The following ELL2 variants were observed in gnomAD, a reference collection of about 807,000 sequenced individuals.
The protein encoded by ELL2 is elongation factor for RNA polymerase II 2.
ELL2 carries 21 observed loss-of-function variants against 72.8 expected under a neutral mutation model. The observed-to-expected ratio is 0.29, with a 90% confidence interval of 0.20 to 0.42. ELL2 has a LOEUF of 0.42. Ranked by LOEUF, ELL2 falls within the 10% of genes least tolerant of loss-of-function variation. ELL2 has a pLI of 1.00. For synonymous variants in ELL2, 266 were observed against 283.2 expected, an observed-to-expected ratio of 0.94 and a Z score of 0.61; for missense variants, 568 against 772.8, an observed-to-expected ratio of 0.73 and a Z score of 3.14.
At chr5:95,919,619 T>C in intron 2 of ELL2, 74 bp from the exon 3 acceptor site, 1 of 1,467,182 alleles carries the variant, frequency 6.8e-7, no homozygotes, top group South Asian at 1.5e-5. Context: ...ACTGACTTAC[T>C]GGTTTTTCTA....
At position 95,906,712 on chromosome 5, in the gene ELL2, G is replaced by T. The variant is rs747862098; in HGVS notation, c.552C>A (p.Thr184=). 17 of 1,613,672 alleles carry T rather than the reference G, an allele frequency of 1.1e-5. No individual in the cohort carries two copies. Among genetic ancestry groups the T allele is most frequent in the Non-Finnish European group, 1.4e-5 (16 of 1,179,842 alleles). ...SDTVPERKRS[T]PMNPANTIRK... is the part of the protein sequence containing the mutation. ...GAATTGTATTTGCAGGGTTCATGGGGGTTGACCTTTTCCTCTCAGGAACTG... is the reference window on the plus strand; with the variant it reads ...GAATTGTATTTGCAGGGTTCATGGGTGTTGACCTTTTCCTCTCAGGAACTG... Residue 184 remains threonine, a synonymous_variant, in exon 5 of 12, where the codon ACC becomes ACA. Transcript: ENST00000237853.
intron 1 of ELL2, 62 bp from the exon 2 acceptor site, chr5:95,943,111 T>C (rs1029873134): frequency 9.9e-6 from 14 of 1,413,406 alleles, no homozygotes; most frequent in Non-Finnish European, 1.4e-5. Context: ...TAGAACTAAA[T>C]GTTTAAACTT....
At chr5:95,895,543 T>C in intron 9 of ELL2, 85 bp downstream of exon 9, 4 of 1,328,048 alleles carry the variant, frequency 3.0e-6, no homozygotes, top group Non-Finnish European at 2.2e-6. Flanking sequence ...ACTTCTTACT[T>C]TTCTGATTTG....
chr5:95,954,662 G>A (rs1416104432), intron 1 of ELL2, among the ~76,000 whole-genome samples: 4 of 133,828 alleles, frequency 3.0e-5, no homozygotes, highest in South Asian at 2.3e-4. Context: ...GGATGGTCTC[G>A]ATTTCCTGAC....
Position 95,885,396 on chromosome 5 carries a change from C to T in ELL2, c.*3475G>A, listed in dbSNP as rs530081747. Reference sequence around the variant, plus strand: ...TTCTGAAAACTTTCCTCTCAAAGTGCTGGCTATAATTTTTTCTCCATCCAG... The same window carrying T: ...TTCTGAAAACTTTCCTCTCAAAGTGTTGGCTATAATTTTTTCTCCATCCAG... On this transcript the variant is annotated 3_prime_UTR_variant, in exon 12 of 12. Transcript: ENST00000237853. 3.0e-4 allele frequency: 45 copies of T among 152,338 alleles called. No individual in the cohort carries two copies. Among genetic ancestry groups the T allele is most frequent in the Non-Finnish European group, 5.9e-4 (40 of 68,038 alleles). The allele number at this position is 152,338 out of a possible 1,614,324, so 9.4% of individuals were successfully genotyped here. A position where few individuals can be genotyped will look rare whatever the true frequency, so the allele number is the denominator to read the frequency against.
In ELL2 at chr5:95,936,256, G is replaced by A. The variant is rs372790771; in HGVS notation, c.195+6746C>T. 1.8e-4 allele frequency among the ~76,000 whole-genome samples: 28 copies of A among 152,184 alleles called. 1 individual carries two copies. Among genetic ancestry groups the A allele is most frequent in the African/African-American group, 6.3e-4 (26 of 41,420 alleles). ...GATGTAGTTTTCTCATATTAGAGAG[G>A]TCAGAGGTTACCCAGAAATTGATGG... is the stretch of plus-strand genomic sequence containing the variant. On this transcript the variant is annotated intron_variant, in intron 2 of 11. Transcript: ENST00000237853.
Position 95,927,776 on chromosome 5 carries a change from T to TATGTGTGTATATAGACATATACACACAC in ELL2, c.196-8232_196-8231insGTGTGTGTATATGTCTATATACACACAT, listed in dbSNP as rs1750437892. ...GTGTATATAGACATACACACACACA[T>TATGTGTGTATATAGACATATACACACAC]ATGTGTGTATATAGACATACACACA... On this transcript the variant is annotated intron_variant, in intron 2 of 11. Transcript: ENST00000237853. Among the ~76,000 whole-genome samples the TATGTGTGTATATAGACATATACACACAC allele has an allele frequency of 3.3e-5, 2 of 60,204 alleles. 1 individual carries two copies. Among genetic ancestry groups the TATGTGTGTATATAGACATATACACACAC allele is most frequent in the Non-Finnish European group, 6.0e-5 (2 of 33,572 alleles). The allele number at this position is 60,204 out of a possible 152,430, so 39.5% of individuals were successfully genotyped here.
chr5:95,906,723 T>C lies in ELL2; in HGVS notation c.541A>G (p.Lys181Glu). 1 of 1,614,030 alleles carries C rather than the reference T, an allele frequency of 6.2e-7. No individual in the cohort carries two copies. The change falls in exon 5 of 12, where the codon AAA becomes GAA. Residue 181 changes from lysine to glutamate, a missense_variant. Lys to Glu is a moderately conservative substitution (Grantham distance 56). Coordinates refer to ENST00000237853, the MANE Select transcript of ELL2 (RefSeq NM_012081.6). ...GCAGGGTTCATGGGGGTTGACCTTTTCCTCTCAGGAACTGTATCTGAAACA... is the reference window on the plus strand; with the variant it reads ...GCAGGGTTCATGGGGGTTGACCTTTCCCTCTCAGGAACTGTATCTGAAACA... ...QAVSDTVPER[K>E]RSTPMNPANT... is the part of the protein sequence containing the mutation.
At chr5:95,905,411 A>G (rs1441710442) in intron 5 of ELL2, among the ~76,000 whole-genome samples, 1 of 152,096 alleles carries the variant, frequency 6.6e-6, no homozygotes, top group Admixed American at 6.6e-5. Flanking sequence ...CTGGAGATGC[A>G]GTTACCAAAT....
rs540311678 is a variant in ELL2, at chr5:95,903,519, G to C, written c.742-2439C>G. ...GCTGGGATTACAGGGGTGAGCCACG[G>C]CGCCTGGCCTAGGACCTTTGTTTTT... On this transcript the variant is annotated intron_variant, in intron 5 of 11. Coordinates refer to ENST00000237853, the MANE Select transcript of ELL2 (RefSeq NM_012081.6). 6.4e-4 allele frequency among the ~76,000 whole-genome samples: 98 copies of C among 152,168 alleles called. 1 individual carries two copies. Among genetic ancestry groups the C allele is most frequent in the African/African-American group, 1.8e-3 (73 of 41,516 alleles).
intron 2 of ELL2, among the ~76,000 whole-genome samples, chr5:95,938,269 T>TG (rs1327198013): frequency 1.3e-5 from 2 of 152,226 alleles, no homozygotes; most frequent in Non-Finnish European, 2.9e-5. Context: ...AAGGTCATTG[T>TG]GCCTTTTTAG....
chr5:95,931,872 G>T (rs887891810), intron 2 of ELL2, among the ~76,000 whole-genome samples: 2 of 131,348 alleles, frequency 1.5e-5, no homozygotes, highest in African/African-American at 5.9e-5. Flanking sequence ...GCACAACAAA[G>T]AAACAAAGAA....
At chr5:95,901,722 G>T (rs1749151271) in intron 5 of ELL2, among the ~76,000 whole-genome samples, 1 of 152,198 alleles carries the variant, frequency 6.6e-6, no homozygotes, top group Non-Finnish European at 1.5e-5. Flanking sequence ...ACTAATGGGG[G>T]ACATACAGAG....
At chr5:95,955,226 T>C (rs983990885) in intron 1 of ELL2, among the ~76,000 whole-genome samples, 1 of 152,142 alleles carries the variant, frequency 6.6e-6, no homozygotes, top group African/African-American at 2.4e-5. Context: ...AGGATCCCTG[T>C]GAAGGAAAGA....
At chr5:95,949,369 GGTT>G (rs2112355160) in intron 1 of ELL2, among the ~76,000 whole-genome samples, 1 of 152,028 alleles carries the variant, frequency 6.6e-6, no homozygotes, top group East Asian at 1.9e-4. Context: ...TTAAATGTGT[GGTT>G]ACCTTTCCCT....
Position 95,890,846 on chromosome 5 carries a change from G to C in ELL2, c.1761+257C>G, listed in dbSNP as rs368848581. On this transcript the variant is annotated intron_variant, in intron 10 of 11. Transcript: ENST00000237853. ...AAGATCCAACTTTTTTTCCTATTTA[G>C]TTGTGTTTGGTATTTTTCTCAATAT... 5.2e-4 allele frequency: 244 copies of C among 470,786 alleles called. 3 individuals carry two copies. Among genetic ancestry groups the C allele is most frequent in the South Asian group, 2.8e-3 (133 of 47,376 alleles). The allele number at this position is 470,786 out of a possible 1,614,324, so 29.2% of individuals were successfully genotyped here. A position where few individuals can be genotyped will look rare whatever the true frequency, so the allele number is the denominator to read the frequency against.
rs928419444 is a variant in ELL2 at position 95,897,508 on chromosome 5, T to C, written c.1525+732A>G. ...ACATCTTAGGCAAGCAAGCTTTTTA[T>C]GAATTAGCTTTTCTTTAGAGGTAAA... On this transcript the variant is annotated intron_variant, in intron 8 of 11. Transcript: ENST00000237853. Among the ~76,000 whole-genome samples the C allele has an allele frequency of 6.2e-4, 95 of 152,364 alleles. 2 individuals carry two copies. The highest frequency in any genetic ancestry group is 8.7e-4 in the Non-Finnish European group (59 of 68,022).
rs181230473 is a variant in ELL2 at position 95,951,296 on chromosome 5, G to C, written c.148-8247C>G. Among the ~76,000 whole-genome samples the C allele has an allele frequency of 3.7e-3, 565 of 152,164 alleles. 20 individuals are homozygous for C. Among genetic ancestry groups the C allele is most frequent in the Admixed American group, 0.034 (527 of 15,290 alleles). Reference sequence around the variant, plus strand: ...AGGCAGGAGAATGACGTGAACCCAGGAGGTGGAGCTTGCAGTAAGCCGAGA... The same window carrying C: ...AGGCAGGAGAATGACGTGAACCCAGCAGGTGGAGCTTGCAGTAAGCCGAGA... On this transcript the variant is annotated intron_variant, in intron 1 of 11. Coordinates refer to ENST00000237853, the MANE Select transcript of ELL2 (RefSeq NM_012081.6).
In ELL2 at chr5:95,961,667, A is replaced by G. The variant is rs769561231; in HGVS notation, c.55T>C (p.Cys19Arg). ...ATGTTGTCCTGCCCCAGCCGTCCGC[A>G]CGACAGCCCATAGCGCTGCTCCTCC... is the stretch of plus-strand genomic sequence containing the variant. Reference protein sequence around the residue: ...LREEQRYGLSCGRLGQDNITV... With the variant: ...LREEQRYGLSRGRLGQDNITV... Residue 19 changes from cysteine to arginine, a missense_variant, in exon 1 of 12, where the codon TGC becomes CGC. This residue lies in a region of ELL2 where 57 missense variants were observed against 44.4 expected (regional missense o/e 1.28). Transcript: ENST00000237853. 6.2e-7 allele frequency: 1 copy of G among 1,608,364 alleles called. No homozygotes were observed. The highest frequency in any genetic ancestry group is 1.7e-5 in the Admixed American group (1 of 59,748).
Sources: gnomAD v4.1 joint callset for allele counts (sites outside exome capture counted in the v4.1 genomes callset) on GRCh38, gnomAD v4.1.1 for gene constraint, gnomAD v4.1.1 regional missense constraint, MANE v1.5 for transcripts, NCBI Gene and HGNC (gene_info 2026-07-23, HGNC 2026-07-21) for gene names.